The following ABCA2 variants were observed in gnomAD, a reference collection of about 807,000 sequenced individuals.
ABCA2 encodes ATP-binding cassette sub-family A member 2.
A neutral mutation model predicts 262.8 loss-of-function variants in ABCA2; 84 were observed. The ratio of observed to expected loss-of-function variants is 0.32; its 90% CI spans 0.27 to 0.38. The LOEUF (loss-of-function observed/expected upper bound fraction) is 0.38. Ranked by LOEUF, ABCA2 falls within the 10% of genes least tolerant of loss-of-function variation. ABCA2 has a pLI of 1.00. For missense variants in ABCA2, 2,662 were observed against 3,405.9 expected, an observed-to-expected ratio of 0.78 and a Z score of 5.44; for synonymous variants, 1,696 against 1,502.9, an observed-to-expected ratio of 1.13 and a Z score of -2.97.
rs1830886293 is a variant in ABCA2, at chr9:137,007,829, C to T, written c.*100G>A. ...CTTGGTCCTGAACCTCCACTCCAGGCCCTGGCAGGCACTGGGGGACTTCTG... is the reference window on the plus strand; with the variant it reads ...CTTGGTCCTGAACCTCCACTCCAGGTCCTGGCAGGCACTGGGGGACTTCTG... On this transcript the variant is annotated 3_prime_UTR_variant, in exon 49 of 49. Coordinates refer to ENST00000341511, the MANE Select transcript of ABCA2 (RefSeq NM_001606.5). The T allele has an allele frequency of 1.3e-6, 2 of 1,508,766 alleles. No homozygotes were observed. Among genetic ancestry groups the T allele is most frequent in the Non-Finnish European group, 1.8e-6 (2 of 1,114,466 alleles). The allele number at this position is 1,508,766 out of a possible 1,614,324, so 93.5% of individuals were successfully genotyped here. A position where few individuals can be genotyped will look rare whatever the true frequency, so the allele number is the denominator to read the frequency against.
intron 1 of ABCA2, among the ~76,000 whole-genome samples, chr9:137,024,728 C>T (rs929888996): frequency 6.6e-6 from 1 of 152,144 alleles, no homozygotes; most frequent in African/African-American, 2.4e-5. Flanking sequence ...TGGCCTGCGC[C>T]CAGGGCCCTG....
chr9:137,015,865 G>A lies in ABCA2; in HGVS notation c.3324C>T (p.Ile1108=), dbSNP rs375114264. 31 of 1,609,268 alleles carry A rather than the reference G, an allele frequency of 1.9e-5. No individual in the cohort carries two copies. Among genetic ancestry groups the A allele is most frequent in the Middle Eastern group, 3.3e-4 (2 of 6,072 alleles). The change falls in exon 23 of 49, where the codon ATC becomes ATT. Residue 1108 remains isoleucine (I), a synonymous_variant. Transcript: ENST00000341511. The part of the protein sequence containing the change: ...EEIRREMDKM[I]EDLELSNKRH... ...GTTTGTTGGAGAGCTCCAGGTCCTC[G>A]ATCATCCTGGGACAGGGAGGTGGGG...
At position 137,022,823 on chromosome 9, in the gene ABCA2, T is replaced by C. The variant is rs1269070835; in HGVS notation, c.318A>G (p.Glu106=). 5 of 1,590,634 alleles carry C rather than the reference T, an allele frequency of 3.1e-6. No individual in the cohort carries two copies. The highest frequency in any genetic ancestry group is 4.3e-6 in the Non-Finnish European group (5 of 1,169,802). The change falls in exon 5 of 49, where the codon GAA becomes GAG. Residue 106 remains glutamate, a synonymous_variant. Coordinates refer to ENST00000341511, the MANE Select transcript of ABCA2 (RefSeq NM_001606.5). The stretch of plus-strand genomic sequence containing the variant: ...GCCGCGCTGGGTCAAACAGGTTGCC[T>C]TCCTCCACCACGCGGTCCAGGCGCT... The part of the protein sequence containing the change: ...LLERLDRVVE[E]GNLFDPARPS...
intron 9 of ABCA2, 47 bp from the exon 10 acceptor site, chr9:137,020,542 C>T (rs765060997): frequency 1.3e-6 from 2 of 1,549,948 alleles, no homozygotes. Flanking sequence ...GGGGGCAGGG[C>T]CGCGAGAGTG....
chr9:137,021,898 C>T lies in ABCA2; in HGVS notation c.671G>A (p.Arg224Gln), dbSNP rs76378273. ...WSRLGGNPLF[R>Q]MEELLLAPAL... is the part of the protein sequence containing the mutation. Reference sequence around the variant, plus strand: ...ACACATGGATGCCCTCACCTCCATCCGGAACAGGGGATTGCCCCCTAGGCG... The same window carrying T: ...ACACATGGATGCCCTCACCTCCATCTGGAACAGGGGATTGCCCCCTAGGCG... Residue 224 changes from arginine (R) to glutamine (Q), a missense_variant, in exon 7 of 49, where the codon CGG (arginine) becomes CAG (glutamine). Physicochemically the swap from Arg to Gln is conservative, Grantham distance 43 (BLOSUM62 1). Transcript: ENST00000341511. This position sits in a 1 kb window ranked among gnomAD's most constrained non-coding sequence, Gnocchi z 6.0. 397 of 1,595,872 alleles carry T rather than the reference C, an allele frequency of 2.5e-4. 1 individual carries two copies. The East Asian group carries it at 2.8e-3, about 11-fold the overall frequency.
chr9:137,017,322 G>A lies in ABCA2; in HGVS notation c.2427C>T (p.Ser809=), dbSNP rs753097279. 2.5e-6 allele frequency: 4 copies of A among 1,612,652 alleles called. No individual in the cohort carries two copies. Among genetic ancestry groups the A allele is most frequent in the African/African-American group, 1.3e-5 (1 of 75,044 alleles). The part of the protein sequence containing the change: ...MFCFLVSVLY[S]KAKLASACGG... ...CGCAGGCCGAGGCCAGCTTGGCCTT[G>A]GAGTACAGCACAGACACCAGGAAGC... is the stretch of plus-strand genomic sequence containing the variant. Residue 809 remains serine, a synonymous_variant, in exon 18 of 49, where the codon TCC becomes TCT. Transcript: ENST00000341511.
At position 137,011,654 on chromosome 9, in the gene ABCA2, G is replaced by C. The variant is rs769081102; in HGVS notation, c.5631C>G (p.Leu1877=). 1 of 1,553,932 alleles carries C rather than the reference G, an allele frequency of 6.4e-7. No individual in the cohort carries two copies. The highest frequency in any genetic ancestry group is 1.9e-5 in the Admixed American group (1 of 51,326). The change falls in exon 36 of 49, where the codon CTC becomes CTG. Residue 1877 remains leucine, a synonymous_variant. Transcript: ENST00000341511. The surrounding 1 kb of genome is among the most constrained non-coding windows in gnomAD (Gnocchi z 8.8). ...CTTACCCATAGAGCAGGAAGAGGGA[G>C]AGGACGGCAGGGAAGTTGGTGGGCG... ...YTSPTNFPAV[L]SLFLLYGWSI...
chr9:137,021,171 C>A lies in ABCA2; in HGVS notation c.898-110G>T. ...AGCAGGGAGACACAAGCTAGGGGTG[C>A]TGGGAGGGAGTCTGCAGCCTGGGTA... On this transcript the variant is annotated intron_variant, in intron 8 of 48. Coordinates refer to ENST00000341511, the MANE Select transcript of ABCA2 (RefSeq NM_001606.5). This position sits in a 1 kb window ranked among gnomAD's most constrained non-coding sequence, Gnocchi z 6.0. 7.1e-7 allele frequency: 1 copy of A among 1,412,018 alleles called. No homozygotes were observed. Among genetic ancestry groups the A allele is most frequent in the East Asian group, 2.5e-5 (1 of 39,906 alleles). The allele number at this position is 1,412,018 out of a possible 1,614,324, so 87.5% of individuals were successfully genotyped here.
Position 137,016,457 on chromosome 9 carries a change from T to C in ABCA2, c.2938A>G (p.Met980Val). The C allele has an allele frequency of 1.2e-6, 2 of 1,612,796 alleles. No homozygotes were observed. The highest frequency in any genetic ancestry group is 1.1e-5 in the South Asian group (1 of 91,088). Reference protein sequence around the residue: ...ESRRFEETRGMEEEPTHLPLV... With the variant: ...ESRRFEETRGVEEEPTHLPLV... ...GGCAGGTGGGTGGGCTCCTCCTCCA[T>C]GCCACGGGTCTCCTCTGCACCAGGG... Residue 980 changes from methionine (M) to valine (V), a missense_variant, in exon 21 of 49, where the codon ATG (methionine) becomes GTG (valine). Met to Val is a conservative substitution (Grantham distance 21). Coordinates refer to ENST00000341511, the MANE Select transcript of ABCA2 (RefSeq NM_001606.5).
chr9:137,013,641 A>T, intron 28 of ABCA2, 78 bp from the exon 29 acceptor site: 1 of 1,451,720 alleles, frequency 6.9e-7, no homozygotes. Context: ...CCCTTCCCCC[A>T]ACCCCAAGGG....
Position 137,018,018 on chromosome 9 carries a change from C to T in ABCA2, c.2051G>A (p.Gly684Asp). The T allele has an allele frequency of 6.2e-7, 1 of 1,612,814 alleles. No individual in the cohort carries two copies. Among genetic ancestry groups the T allele is most frequent in the Non-Finnish European group, 8.5e-7 (1 of 1,179,982 alleles). The stretch of plus-strand genomic sequence containing the variant: ...GTAGGGGAACATCTGCACGTAGCTG[C>T]CTGGCTCCACCACATCGTGCCCCAC... The part of the protein sequence containing the change: ...TFVGHDVVEP[G>D]SYVQMFPYPC... Residue 684 changes from glycine (G) to aspartate (D), a missense_variant, in exon 15 of 49, where the codon GGC (glycine) becomes GAC (aspartate). Gly to Asp is a moderately conservative substitution (Grantham distance 94). Coordinates refer to ENST00000341511, the MANE Select transcript of ABCA2 (RefSeq NM_001606.5).
At position 137,011,076 on chromosome 9, in the gene ABCA2, C is replaced by G; in HGVS notation, c.5953G>C (p.Glu1985Gln). 3 of 1,612,234 alleles carry G rather than the reference C, an allele frequency of 1.9e-6. No homozygotes were observed. Among genetic ancestry groups the G allele is most frequent in the Non-Finnish European group, 2.5e-6 (3 of 1,179,798 alleles). Reference protein sequence around the residue: ...GQFDKMKSPFEWDIVTRGLVA... With the variant: ...GQFDKMKSPFQWDIVTRGLVA... ...AGTCCGCGGGTGACAATGTCCCACT[C>G]GAACGGGGACTTCATCTTGTCAAAC... is the stretch of plus-strand genomic sequence containing the variant. Residue 1985 changes from glutamate to glutamine, a missense_variant, in exon 39 of 49, where the codon GAG (glutamate) becomes CAG (glutamine). Physicochemically the swap from Glu to Gln is conservative, Grantham distance 29. This residue lies in a region of ABCA2 where 602 missense variants were observed against 897.4 expected (regional missense o/e 0.67). Transcript: ENST00000341511. This position sits in a 1 kb window ranked among gnomAD's most constrained non-coding sequence, Gnocchi z 8.8.
rs1831122499 is a variant in ABCA2 at position 137,013,063 on chromosome 9, T to C, written c.4806A>G (p.Pro1602=). ...PPPSPAPSDS[P]ASPDEDLQAW... is the part of the protein sequence containing the mutation. ...CCTGCAGGTCCTCATCCGGGGACGC[T>C]GGCGAGTCAGATGGGGCGGGCGAGG... is the stretch of plus-strand genomic sequence containing the variant. Residue 1602 remains proline (P), a synonymous_variant, in exon 30 of 49, where the codon CCA becomes CCG. Transcript: ENST00000341511. 7.8e-7 allele frequency: 1 copy of C among 1,288,424 alleles called. No homozygotes were observed. The highest frequency in any genetic ancestry group is 1.0e-6 in the Non-Finnish European group (1 of 965,390). 79.8% of individuals were successfully genotyped at this position (1,288,424 alleles called of 1,614,324 possible). A position where few individuals can be genotyped will look rare whatever the true frequency, so the allele number is the denominator to read the frequency against.
rs1193648034 is a variant in ABCA2, at chr9:137,009,790, C to T, written c.6609G>A (p.Gly2203=). ...TTACCAGGAAGATGAAGGCTGGGTACCCAATGAGGGCGATGGCCGTGGAGA... is the reference window on the plus strand; with the variant it reads ...TTACCAGGAAGATGAAGGCTGGGTATCCAATGAGGGCGATGGCCGTGGAGA... ...RKLSTAIALI[G]YPAFIFLDEP... is the part of the protein sequence containing the mutation. Residue 2203 remains glycine, a synonymous_variant, in exon 43 of 49, where the codon GGG becomes GGA. Coordinates refer to ENST00000341511, the MANE Select transcript of ABCA2 (RefSeq NM_001606.5). The T allele has an allele frequency of 5.6e-6, 9 of 1,611,854 alleles. No homozygotes were observed. The highest frequency in any genetic ancestry group is 4.4e-5 in the South Asian group (4 of 91,000).
rs992321297 is a variant in ABCA2, at chr9:137,012,563, G to A, written c.5109C>T (p.Val1703=). The change falls in exon 32 of 49, where the codon GTC becomes GTT. Residue 1703 remains valine (V), a synonymous_variant. Transcript: ENST00000341511. ...HRYGAITFGN[V]LKSIPASFGT... ...CAAATGAGGCTGGGATGGACTTCAG[G>A]ACGTTTCCAAAGGTGATGGCCCCAT... is the stretch of plus-strand genomic sequence containing the variant. 16 of 1,611,822 alleles carry A rather than the reference G, an allele frequency of 9.9e-6. No homozygotes were observed. The African/African-American group carries it at 1.9e-4, about 19-fold the overall frequency.
chr9:137,018,698 G>A (rs367617056), intron 13 of ABCA2, 21 bp downstream of exon 13: 39 of 1,592,188 alleles, frequency 2.4e-5, no homozygotes, highest in African/African-American at 4.1e-5. Flanking sequence ...GGGCTGGGGC[G>A]GGGCGGGGAG....
Position 137,009,811 on chromosome 9 carries a change from G to C in ABCA2, c.6588C>G (p.Ser2196=). 1 of 1,612,480 alleles carries C rather than the reference G, an allele frequency of 6.2e-7. No individual in the cohort carries two copies. Among genetic ancestry groups the C allele is most frequent in the Non-Finnish European group, 8.5e-7 (1 of 1,179,748 alleles). ...GGTACCCAATGAGGGCGATGGCCGT[G>C]GAGAGCTTCCGCTTGTTGCCGCCGC... ...TYSGGNKRKL[S]TAIALIGYPA... The change falls in exon 43 of 49, where the codon TCC becomes TCG. Residue 2196 remains serine (S), a synonymous_variant. Coordinates refer to ENST00000341511, the MANE Select transcript of ABCA2 (RefSeq NM_001606.5).
At position 137,017,974 on chromosome 9, in the gene ABCA2, C is replaced by T; in HGVS notation, c.2095G>A (p.Asp699Asn). 6.2e-7 allele frequency: 1 copy of T among 1,612,680 alleles called. No individual in the cohort carries two copies. Among genetic ancestry groups the T allele is most frequent in the Non-Finnish European group, 8.5e-7 (1 of 1,179,926 alleles). ...MFPYPCYTRD[D>N]FLFVIEHMMP... ...CAGCCCCGGGCGCCCAGCACTCACT[C>T]ATCGCGTGTGTAGCAGGGGTAGGGG... The change falls in exon 15 of 49, where the codon GAC becomes AAC. Residue 699 changes from aspartate to asparagine, a missense_variant and splice_region_variant. Asp to Asn is a conservative substitution (Grantham distance 23, BLOSUM62 1). Coordinates refer to ENST00000341511, the MANE Select transcript of ABCA2 (RefSeq NM_001606.5).
chr9:137,010,545 CTCCACTGCTGGGGCCCCA>C, intron 40 of ABCA2, 57 bp downstream of exon 40: 1 of 1,550,644 alleles, frequency 6.4e-7, no homozygotes, highest in Admixed American at 1.7e-5. Flanking sequence ...CAGGCTCCAC[CTCCACTGCTGGGGCCCCA>C]CCCCCCTGGC....
Sources: allele counts gnomAD v4.1 joint callset (sites outside exome capture counted in the v4.1 genomes callset), GRCh38; gene constraint gnomAD v4.1.1; regional missense constraint gnomAD v4.1.1; non-coding constraint Gnocchi (gnomAD v3.1); transcripts MANE v1.5; gene names NCBI Gene and HGNC (gene_info 2026-07-23, HGNC 2026-07-21).